RFC1: variants seen among roughly 807,000 people sequenced by gnomAD.
RFC1 encodes replication factor C subunit 1, also known as A1 140 kDa subunit.
A neutral mutation model predicts 137.4 loss-of-function variants in RFC1; 37 were observed. The observed-to-expected ratio is 0.27, with a 90% CI of 0.21 to 0.35. The LOEUF is 0.35. RFC1 is among the 10% of genes least tolerant of loss of function. The pLI is 1.00. For synonymous variants in RFC1, 429 were observed against 455.7 expected, an observed-to-expected ratio of 0.94 and a Z score of 0.75; for missense variants, 1,205 against 1,358.5, an observed-to-expected ratio of 0.89 and a Z score of 1.78.
In RFC1 at chr4:39,302,764, A is replaced by G. The variant is rs776725801; in HGVS notation, c.2313T>C (p.Phe771=). 9 of 1,597,998 alleles carry G rather than the reference A, an allele frequency of 5.6e-6. No individual in the cohort carries two copies. In the Admixed American group the frequency reaches 1.6e-4, roughly 29 times the overall value. The change falls in exon 17 of 25, where the codon TTT becomes TTC. Residue 771 remains phenylalanine (F), a synonymous_variant. Transcript: ENST00000349703. ...SLVHYCFDLR[F]QRPRVEQIKG... ...TAATCTGTTCAACCCGAGGTCTTTG[A>G]AAACGAAGATCAAAACAATAATGAA...
intron 4 of RFC1, among the ~76,000 whole-genome samples, chr4:39,339,711 T>C (rs1740525518): frequency 6.6e-6 from 1 of 152,200 alleles, no homozygotes; most frequent in Non-Finnish European, 1.5e-5. Context: ...TGTTGACTGT[T>C]TCCTTTGCTG....
intron 1 of RFC1, among the ~76,000 whole-genome samples, chr4:39,352,356 G>A (rs1290307190): frequency 6.6e-6 from 1 of 152,090 alleles, no homozygotes; most frequent in Non-Finnish European, 1.5e-5. Context: ...TTAATTACCC[G>A]TGTTAAACCA....
intron 9 of RFC1, among the ~76,000 whole-genome samples, chr4:39,317,232 T>G (rs1459629394): frequency 6.6e-6 from 1 of 152,132 alleles, no homozygotes; most frequent in East Asian, 1.9e-4. Flanking sequence ...CTTTCCACTC[T>G]CTAAAGCCAC....
At chr4:39,361,832 AG>A (rs1456687918) in intron 1 of RFC1, among the ~76,000 whole-genome samples, 2 of 152,184 alleles carry the variant, frequency 1.3e-5, no homozygotes, top group Non-Finnish European at 2.9e-5. Flanking sequence ...GCTGATCACG[AG>A]GTCAGGAGAT....
rs550583022 is a variant in RFC1 at position 39,362,828 on chromosome 4, T to TA, written c.3+3410dup. 5.9e-5 allele frequency among the ~76,000 whole-genome samples: 9 copies of TA among 152,244 alleles called. No homozygotes were observed. In the South Asian group the frequency reaches 1.9e-3, roughly 32 times the overall value. On this transcript the variant is annotated intron_variant, in intron 1 of 24. Coordinates refer to ENST00000349703, the MANE Select transcript of RFC1 (RefSeq NM_002913.5). Reference sequence around the variant, plus strand: ...AGCCCGGAGAGAAACAGAACCAACCTAACACACTCAAAAGACAGAGAGAGA... The same window carrying TA: ...AGCCCGGAGAGAAACAGAACCAACCTAAACACACTCAAAAGACAGAGAGAGA...
intron 7 of RFC1, chr4:39,322,461 C>A (rs1443055185): frequency 2.0e-5 from 3 of 152,176 alleles, no homozygotes; most frequent in African/African-American, 7.2e-5. Context: ...ATGAGACTGT[C>A]ATAATATAGA....
At chr4:39,338,047 T>TA (rs1740444545) in intron 4 of RFC1, among the ~76,000 whole-genome samples, 2 of 152,196 alleles carry the variant, frequency 1.3e-5, no homozygotes, top group Admixed American at 1.3e-4. Flanking sequence ...ACTCAAGGTC[T>TA]CTCACTTCAT....
chr4:39,337,544 T>C (rs886505929), intron 4 of RFC1, among the ~76,000 whole-genome samples: 16 of 152,142 alleles, frequency 1.1e-4, no homozygotes, highest in Admixed American at 1.0e-3. Flanking sequence ...ATTTAGTTTC[T>C]TTTATACAGA....
intron 1 of RFC1, among the ~76,000 whole-genome samples, chr4:39,364,459 T>C (rs1741922049): frequency 6.6e-6 from 1 of 152,178 alleles, no homozygotes; most frequent in Admixed American, 6.5e-5. Context: ...ACTGACCAAT[T>C]TGACCTATTT....
chr4:39,326,740 TAA>T, intron 5 of RFC1, 100 bp from the exon 6 acceptor site: 1 of 847,280 alleles, frequency 1.2e-6, no homozygotes. Flanking sequence ...CAGTGAGAGA[TAA>T]GTGTATCTAT....
At chr4:39,316,857 A>G in intron 10 of RFC1, 58 bp downstream of exon 10, 2 of 999,150 alleles carry the variant, frequency 2.0e-6, no homozygotes. Flanking sequence ...GTGAATACAT[A>G]CATGGACCCA....
At chr4:39,353,678 G>GT (rs1247944286) in intron 1 of RFC1, among the ~76,000 whole-genome samples, 1 of 152,062 alleles carries the variant, frequency 6.6e-6, no homozygotes, top group East Asian at 1.9e-4. Flanking sequence ...AATGAGTTTC[G>GT]TATCAGTTTC....
chr4:39,352,372 T>G (rs2109760153), intron 1 of RFC1, among the ~76,000 whole-genome samples: 1 of 152,372 alleles, frequency 6.6e-6, no homozygotes, highest in East Asian at 1.9e-4. Flanking sequence ...AACCACAGAA[T>G]TCAAATTAAT....
At chr4:39,341,124 T>C (rs1740584990) in intron 4 of RFC1, among the ~76,000 whole-genome samples, 1 of 152,224 alleles carries the variant, frequency 6.6e-6, no homozygotes, top group African/African-American at 2.4e-5. Flanking sequence ...GTCTGACCTT[T>C]TTGTTTACTT....
intron 9 of RFC1, among the ~76,000 whole-genome samples, chr4:39,319,680 C>G (rs989366158): frequency 1.3e-5 from 2 of 152,156 alleles, no homozygotes; most frequent in Admixed American, 6.6e-5. Flanking sequence ...AGCAGTCCCC[C>G]TTTATCCGAG....
Position 39,292,175 on chromosome 4 carries a change from T to C in RFC1, c.2955-323A>G, listed in dbSNP as rs1417251788. The C allele has an allele frequency of 1.0e-5, 3 of 293,836 alleles. No individual in the cohort carries two copies. In the Admixed American group the frequency reaches 1.4e-4, roughly 14 times the overall value. The allele number at this position is 293,836 out of a possible 1,614,324, so 18.2% of individuals were successfully genotyped here. ...TCTTTGTGTTCATAAATATGACTCG[T>C]TCCAAGTTCCAAAATATTAAAAGCA... On this transcript the variant is annotated intron_variant, in intron 22 of 24. Transcript: ENST00000349703.
At chr4:39,296,970 T>C (rs1395648570) in intron 21 of RFC1, among the ~76,000 whole-genome samples, 1 of 151,708 alleles carries the variant, frequency 6.6e-6, no homozygotes, top group Non-Finnish European at 1.5e-5. Context: ...TGGTATCTCA[T>C]TGTGGTTTTG....
intron 1 of RFC1, among the ~76,000 whole-genome samples, chr4:39,353,986 T>C (rs770995976): frequency 6.6e-6 from 1 of 152,174 alleles, no homozygotes; most frequent in Non-Finnish European, 1.5e-5. Context: ...CTGTCTGGTT[T>C]TTGTCTGTAC....
intron 2 of RFC1, among the ~76,000 whole-genome samples, chr4:39,348,106 C>G (rs760436806): frequency 2.0e-5 from 3 of 152,066 alleles, no homozygotes; most frequent in Non-Finnish European, 4.4e-5. Flanking sequence ...GTAAAATTCT[C>G]AGCCTGTCCG....
Sources: allele counts gnomAD v4.1 joint callset (sites outside exome capture counted in the v4.1 genomes callset), GRCh38; gene constraint gnomAD v4.1.1; transcripts MANE v1.5; gene names NCBI Gene and HGNC (gene_info 2026-07-23, HGNC 2026-07-21).